CACNA2D3: variants seen among roughly 807,000 people sequenced by gnomAD.
CACNA2D3 encodes the protein voltage-dependent calcium channel subunit alpha-2/delta-3.
A neutral mutation model predicts 160.6 loss-of-function variants in CACNA2D3; 60 were observed. The observed-to-expected ratio is 0.37, with a 90% CI of 0.30 to 0.46. The LOEUF is 0.46. Ranked by LOEUF, CACNA2D3 falls within the 20% of genes least tolerant of loss-of-function variation. The probability of loss-of-function intolerance (pLI) is 1.00; values close to 1 mark genes in which losing one functional copy is unlikely to be tolerated. For synonymous variants in CACNA2D3, 558 were observed against 492.9 expected (o/e 1.13, Z -1.75); for missense variants, 1,205 against 1,365.0 (o/e 0.88, Z 1.85).
At chr3:54,206,249 T>G (rs1701274708) in intron 2 of CACNA2D3, among the ~76,000 whole-genome samples, 1 of 152,208 alleles carries the variant, frequency 6.6e-6, no homozygotes, top group South Asian at 2.1e-4. Context: ...CTAGAAATTC[T>G]GAACAATGAC....
intron 21 of CACNA2D3, among the ~76,000 whole-genome samples, chr3:54,884,572 T>A (rs556233961): frequency 4.6e-5 from 7 of 152,348 alleles, no homozygotes; most frequent in African/African-American, 1.7e-4. Flanking sequence ...TGTCTGCTGA[T>A]AACCCATTAA....
chr3:54,497,279 A>G (rs1412878736), intron 4 of CACNA2D3, among the ~76,000 whole-genome samples: 1 of 10,240 alleles, frequency 9.8e-5, no homozygotes, highest in Non-Finnish European at 5.0e-4. Context: ...TTTAAGTTCA[A>G]ACAAATATTT....
At chr3:54,595,326 GTGTGTGTGTGTGTGTGTGTGTGT>G (rs1702934744) in intron 9 of CACNA2D3, among the ~76,000 whole-genome samples, 1 of 151,304 alleles carries the variant, frequency 6.6e-6, no homozygotes, top group African/African-American at 2.4e-5. Flanking sequence ...GTGTGTGTGT[GTGTGTGTGTGTGTGTGTGTGTGT>G]GTGTGTATGG....
intron 2 of CACNA2D3, among the ~76,000 whole-genome samples, chr3:54,305,245 A>C (rs1279951545): frequency 1.3e-5 from 2 of 152,246 alleles, no homozygotes; most frequent in Non-Finnish European, 2.9e-5. Context: ...CACACAAATA[A>C]TACATGAACC....
chr3:54,969,262 C>CTTTTT (rs66688757), intron 28 of CACNA2D3, among the ~76,000 whole-genome samples: 1 of 134,694 alleles, frequency 7.4e-6, no homozygotes, highest in Non-Finnish European at 1.6e-5. Flanking sequence ...ATAAAGTAGA[C>CTTTTT]TTTTTTTTTT....
intron 27 of CACNA2D3, among the ~76,000 whole-genome samples, chr3:54,962,060 T>TCCATTAAC (rs1176997985): frequency 2.6e-5 from 4 of 151,772 alleles, no homozygotes; most frequent in South Asian, 4.2e-4. Flanking sequence ...AACTCATTAA[T>TCCATTAAC]CCATTAACCC....
chr3:54,694,805 A>G (rs1424090247), intron 11 of CACNA2D3, among the ~76,000 whole-genome samples: 8 of 152,054 alleles, frequency 5.3e-5, no homozygotes, highest in Non-Finnish European at 1.0e-4. Context: ...CCTTTGTTAT[A>G]TTCTTTTTAT....
chr3:54,918,663 C>A (rs768279282), intron 27 of CACNA2D3: 2 of 1,614,150 alleles, frequency 1.2e-6, no homozygotes, highest in South Asian at 1.1e-5. Flanking sequence ...GGTTGGCCGG[C>A]CTTGGCTTGG....
intron 27 of CACNA2D3, among the ~76,000 whole-genome samples, chr3:54,953,036 TAC>T (rs1701797308): frequency 6.6e-6 from 1 of 152,190 alleles, no homozygotes; most frequent in Non-Finnish European, 1.5e-5. Context: ...GGAAAAACTG[TAC>T]AGAGACTCAA....
intron 2 of CACNA2D3, among the ~76,000 whole-genome samples, chr3:54,199,339 CTCT>C (rs1701135187): frequency 6.6e-6 from 1 of 152,012 alleles, no homozygotes; most frequent in Non-Finnish European, 1.5e-5. Context: ...TAAAAGAGGA[CTCT>C]TTCTTGCTTT....
At chr3:54,980,832 C>T (rs1445804951) in intron 29 of CACNA2D3, among the ~76,000 whole-genome samples, 1 of 152,150 alleles carries the variant, frequency 6.6e-6, no homozygotes, top group Non-Finnish European at 1.5e-5. Flanking sequence ...ATAATTTAGA[C>T]CAAATGTTTA....
At chr3:54,286,447 G>A (rs139454955) in intron 2 of CACNA2D3, among the ~76,000 whole-genome samples, 4 of 152,334 alleles carry the variant, frequency 2.6e-5, no homozygotes, top group East Asian at 1.9e-4. Flanking sequence ...CCAAATCTAC[G>A]TCTGAATGGT....
At chr3:54,327,416 A>G (rs1704141500) in intron 3 of CACNA2D3, among the ~76,000 whole-genome samples, 2 of 152,170 alleles carry the variant, frequency 1.3e-5, no homozygotes, top group Admixed American at 1.3e-4. Context: ...CCTAACTTTC[A>G]TGCTTATTCT....
intron 13 of CACNA2D3, among the ~76,000 whole-genome samples, chr3:54,783,262 C>T (rs1196876909): frequency 6.6e-6 from 1 of 151,996 alleles, no homozygotes; most frequent in African/African-American, 2.4e-5. Context: ...TGAGTTATAT[C>T]ACCTCTACTG....
chr3:54,323,763 G>GC (rs1319057944), intron 3 of CACNA2D3, among the ~76,000 whole-genome samples: 19 of 152,132 alleles, frequency 1.2e-4, no homozygotes, highest in Non-Finnish European at 2.6e-4. Context: ...ACCGTGCTGG[G>GC]CCCCCACCCC....
At chr3:54,625,964 G>T (rs544694434) in intron 9 of CACNA2D3, among the ~76,000 whole-genome samples, 1 of 152,302 alleles carries the variant, frequency 6.6e-6, no homozygotes, top group Non-Finnish European at 1.5e-5. Flanking sequence ...CTGGGGCGTT[G>T]TTGGGTGTTA....
At chr3:54,977,556 T>G (rs1319017289) in intron 29 of CACNA2D3, among the ~76,000 whole-genome samples, 2 of 152,210 alleles carry the variant, frequency 1.3e-5, no homozygotes, top group Non-Finnish European at 2.9e-5. Context: ...GAGTAGGGAC[T>G]AAGTTTTAAC....
chr3:54,421,843 A>G (rs1293173892), intron 4 of CACNA2D3, among the ~76,000 whole-genome samples: 1 of 152,112 alleles, frequency 6.6e-6, no homozygotes, highest in African/African-American at 2.4e-5. Flanking sequence ...TCAGATCATC[A>G]TGGAAGAAAA....
chr3:54,891,491 T>C lies in CACNA2D3; in HGVS notation c.2246+41T>C, dbSNP rs371593796. On this transcript the variant is annotated intron_variant, in intron 25 of 37. Coordinates refer to ENST00000474759, the MANE Select transcript of CACNA2D3 (RefSeq NM_018398.3). ...CCTCTACAGGGGCCCAGGGAGCTTC[T>C]GAAATGGAACATTCAAAGGGAAGCT... 2.4e-5 allele frequency: 34 copies of C among 1,409,004 alleles called. No homozygotes were observed. In the African/African-American group the frequency reaches 4.5e-4, roughly 19 times the overall value. The allele number at this position is 1,409,004 out of a possible 1,614,324, so 87.3% of individuals were successfully genotyped here. A position where few individuals can be genotyped will look rare whatever the true frequency, so the allele number is the denominator to read the frequency against.
Sources: allele counts gnomAD v4.1 joint callset (sites outside exome capture counted in the v4.1 genomes callset), GRCh38; gene constraint gnomAD v4.1.1; transcripts MANE v1.5; gene names NCBI Gene and HGNC (gene_info 2026-07-23, HGNC 2026-07-21).